LRRC40: variants seen among roughly 807,000 people sequenced by gnomAD.
LRRC40 encodes the protein leucine-rich repeat-containing protein 40.
In LRRC40, 76 loss-of-function variants were observed where a neutral mutation model predicts 72.8. The observed-to-expected ratio is 1.04, with a 90% CI of 0.87 to 1.26. The LOEUF (loss-of-function observed/expected upper bound fraction) is 1.26, where lower values mean the gene tolerates loss of function less well. LRRC40 is among the 50% of genes most tolerant of loss of function. The pLI is 0.00. For synonymous variants in LRRC40, 243 were observed against 254.2 expected (o/e 0.96, Z 0.42); for missense variants, 684 against 698.9 (o/e 0.98, Z 0.24).
intron 9 of LRRC40, among the ~76,000 whole-genome samples, chr1:70,167,049 A>G (rs1393087155): frequency 1.3e-5 from 2 of 152,144 alleles, no homozygotes; most frequent in African/African-American, 4.8e-5. Context: ...GATTCTACTG[A>G]CATTTGGCCA....
chr1:70,163,694 C>A (rs1274640386), intron 9 of LRRC40, among the ~76,000 whole-genome samples: 1 of 152,154 alleles, frequency 6.6e-6, no homozygotes, highest in Non-Finnish European at 1.5e-5. Context: ...GTGTGGCCAT[C>A]ATTGAAGGGT....
intron 4 of LRRC40, among the ~76,000 whole-genome samples, chr1:70,183,132 A>G (rs1014469481): frequency 6.6e-6 from 1 of 152,188 alleles, no homozygotes; most frequent in African/African-American, 2.4e-5. Flanking sequence ...AGAAGAGTAT[A>G]TATTTTGACT....
intron 2 of LRRC40, among the ~76,000 whole-genome samples, chr1:70,188,820 G>A (rs1668425548): frequency 6.6e-6 from 1 of 152,148 alleles, no homozygotes; most frequent in Non-Finnish European, 1.5e-5. Context: ...TTTTAAATAG[G>A]TAGTAGTATC....
rs753925708 is a variant in LRRC40, at chr1:70,205,366, T to G, written c.151+24A>C. The G allele has an allele frequency of 9.0e-6, 14 of 1,554,900 alleles. No individual in the cohort carries two copies. The African/African-American group carries it at 1.9e-4, about 21-fold the overall frequency. Reference sequence around the variant, plus strand: ...AAAGGCTTTCTGACAGGAGACACAATAGGGTCGTACCTCTGGGTCTTACCT... The same window carrying G: ...AAAGGCTTTCTGACAGGAGACACAAGAGGGTCGTACCTCTGGGTCTTACCT... On this transcript the variant is annotated intron_variant, in intron 1 of 14. Transcript: ENST00000370952.
rs1243795648 is a variant in LRRC40, at chr1:70,189,142, G to A, written c.283C>T (p.Gln95Ter). ...AGTCGCAGGTCATCTGTAAGTGACT[G>A]AAGTTTATTGTTTGATATTATTAGT... ...TKLIISNNKL[Q>*]SLTDDLRLLP... Residue 95 changes from glutamine to a stop codon, truncating the protein, a stop_gained, in exon 2 of 15, where the codon CAG (glutamine) becomes TAG (stop). Coordinates refer to ENST00000370952, the MANE Select transcript of LRRC40 (RefSeq NM_017768.5). LOFTEE classifies it high-confidence loss of function. 2 of 1,613,740 alleles carry A rather than the reference G, an allele frequency of 1.2e-6. No individual in the cohort carries two copies. The highest frequency in any genetic ancestry group is 1.7e-6 in the Non-Finnish European group (2 of 1,179,938).
At chr1:70,155,195 T>C (rs1667610394) in intron 11 of LRRC40, among the ~76,000 whole-genome samples, 1 of 152,148 alleles carries the variant, frequency 6.6e-6, no homozygotes, top group Admixed American at 6.5e-5. Context: ...GAAGAATCCT[T>C]TTCTAGGAGA....
At chr1:70,170,104 T>G (rs1667969236) in intron 9 of LRRC40, among the ~76,000 whole-genome samples, 1 of 152,174 alleles carries the variant, frequency 6.6e-6, no homozygotes, top group Admixed American at 6.5e-5. Context: ...ATTTACCATC[T>G]GAAAATCAAT....
rs1223588553 is a variant in LRRC40 at position 70,170,269 on chromosome 1, T to C, written c.1111+3196A>G. Among the ~76,000 whole-genome samples the C allele has an allele frequency of 2.0e-5, 3 of 152,198 alleles. No homozygotes were observed. In the East Asian group the frequency reaches 5.8e-4, roughly 29 times the overall value. ...AAATTCCTTAACATGATAAAGGGCA[T>C]CTACAAAAAATCCACAGCTAACCTA... On this transcript the variant is annotated intron_variant, in intron 9 of 14. Transcript: ENST00000370952.
chr1:70,189,331 G>C lies in LRRC40; in HGVS notation c.152-58C>G, dbSNP rs1029765769. The C allele has an allele frequency of 5.5e-6, 7 of 1,282,758 alleles. No individual in the cohort carries two copies. The African/African-American group carries it at 1.1e-4, about 20-fold the overall frequency. The allele number at this position is 1,282,758 out of a possible 1,614,324, so 79.5% of individuals were successfully genotyped here. A position where few individuals can be genotyped will look rare whatever the true frequency, so the allele number is the denominator to read the frequency against. Reference sequence around the variant, plus strand: ...AAAAAAAAAAAAAAGATGAAAACCAGAACTAGATACTAAGTGACATGCTTT... The same window carrying C: ...AAAAAAAAAAAAAAGATGAAAACCACAACTAGATACTAAGTGACATGCTTT... On this transcript the variant is annotated intron_variant, in intron 1 of 14. Transcript: ENST00000370952.
chr1:70,186,912 G>C (rs576185194), intron 3 of LRRC40, among the ~76,000 whole-genome samples: 1 of 151,726 alleles, frequency 6.6e-6, no homozygotes, highest in South Asian at 2.1e-4. Flanking sequence ...CTTCCTTATT[G>C]TTTAGATATT....
intron 1 of LRRC40, among the ~76,000 whole-genome samples, 169 bp from the exon 2 acceptor site, chr1:70,189,442 A>T (rs758525850): frequency 2.0e-5 from 3 of 152,202 alleles, no homozygotes; most frequent in Non-Finnish European, 4.4e-5. Context: ...CTAGAGTGAA[A>T]GTTGATTTTA....
chr1:70,197,593 CT>C (rs78897360), intron 1 of LRRC40, among the ~76,000 whole-genome samples: 2,651 of 136,870 alleles, frequency 0.019, 35 homozygotes, highest in South Asian at 0.061. Context: ...CAACCCCCGG[CT>C]TTTTTTTTTT....
chr1:70,145,760 G>C lies in LRRC40; in HGVS notation c.*40C>G. 1.9e-6 allele frequency: 2 copies of C among 1,027,836 alleles called. No homozygotes were observed. Among genetic ancestry groups the C allele is most frequent in the South Asian group, 2.7e-5 (2 of 74,758 alleles). 63.7% of individuals were successfully genotyped at this position (1,027,836 alleles called of 1,614,324 possible). ...TTACATCCTCCTTAGAATTAACCAG[G>C]GTTAATAATACATGACAAGGGTTAT... On this transcript the variant is annotated 3_prime_UTR_variant, in exon 15 of 15. Transcript: ENST00000370952.
chr1:70,153,226 G>A (rs916152065), intron 11 of LRRC40, among the ~76,000 whole-genome samples: 2 of 152,016 alleles, frequency 1.3e-5, no homozygotes, highest in South Asian at 4.2e-4. Flanking sequence ...GCCAGGCATG[G>A]TGGCGGGCAC....
intron 9 of LRRC40, among the ~76,000 whole-genome samples, chr1:70,161,973 A>T (rs1667774331): frequency 6.6e-6 from 1 of 152,210 alleles, no homozygotes; most frequent in Non-Finnish European, 1.5e-5. Flanking sequence ...TTATGGGAGC[A>T]GTATGTGTTG....
chr1:70,151,172 C>A lies in LRRC40; in HGVS notation c.1473G>T (p.Met491Ile), dbSNP rs780681733. The change falls in exon 13 of 15, where the codon ATG becomes ATT. Residue 491 changes from methionine (M) to isoleucine (I), a missense_variant. By Grantham distance (10) the Met-to-Ile change is conservative. Transcript: ENST00000370952. The stretch of plus-strand genomic sequence containing the variant: ...TCGTTTGCAGTCTTACCAGTGATTC[C>A]ATTTCTTCTGGCAAAGAATTTAAAA... ...NNFLNSLPEE[M>I]ESLVRLQTIN... The A allele has an allele frequency of 6.3e-7, 1 of 1,590,370 alleles. No individual in the cohort carries two copies. The highest frequency in any genetic ancestry group is 8.6e-7 in the Non-Finnish European group (1 of 1,160,460).
chr1:70,151,406 A>C (rs1256580373), intron 12 of LRRC40, among the ~76,000 whole-genome samples: 1 of 152,146 alleles, frequency 6.6e-6, no homozygotes, highest in Non-Finnish European at 1.5e-5. Flanking sequence ...AATCCTAATA[A>C]TACCAATATG....
chr1:70,181,644 G>T (rs775613394), intron 4 of LRRC40, among the ~76,000 whole-genome samples: 3 of 151,616 alleles, frequency 2.0e-5, no homozygotes, highest in Non-Finnish European at 4.4e-5. Context: ...AAAAATTCCT[G>T]AGAAAAGGAA....
At chr1:70,193,699 T>C (rs1296410352) in intron 1 of LRRC40, among the ~76,000 whole-genome samples, 1 of 152,072 alleles carries the variant, frequency 6.6e-6, no homozygotes, top group Non-Finnish European at 1.5e-5. Context: ...CTAATGATTA[T>C]AGACCCAAAT....
Sources: allele counts gnomAD v4.1 joint callset (sites outside exome capture counted in the v4.1 genomes callset), GRCh38; gene constraint gnomAD v4.1.1; transcripts MANE v1.5; gene names NCBI Gene and HGNC (gene_info 2026-07-23, HGNC 2026-07-21).